PXT1: variants seen among roughly 807,000 people sequenced by gnomAD.
PXT1 encodes the protein peroxisomal testis enriched protein 1.
In PXT1, 11 loss-of-function variants were observed where a neutral mutation model predicts 11.0. The ratio of observed to expected loss-of-function variants is 1.00; its 90% confidence interval spans 0.63 to 1.66. The LOEUF (loss-of-function observed/expected upper bound fraction) is 1.66, where lower values mean the gene tolerates loss of function less well. Ranked by LOEUF, PXT1 falls within the 40% of genes most tolerant of loss-of-function variation. PXT1 has a pLI of 0.00. For synonymous variants in PXT1, 43 were observed against 51.4 expected (o/e 0.84, Z 0.70); for missense variants, 141 against 155.5 (o/e 0.91, Z 0.49).
intron 3 of PXT1, among the ~76,000 whole-genome samples, chr6:36,415,305 T>C (rs757909319): frequency 3.9e-5 from 6 of 152,010 alleles, no homozygotes; most frequent in Non-Finnish European, 7.4e-5. Flanking sequence ...TAGCCAGACA[T>C]GGTGGCGCGT....
intron 2 of PXT1, among the ~76,000 whole-genome samples, chr6:36,427,659 TG>T (rs1347907370): frequency 6.6e-6 from 1 of 152,094 alleles, no homozygotes; most frequent in Non-Finnish European, 1.5e-5. Flanking sequence ...CATTTCAACA[TG>T]TAATCAATAT....
chr6:36,435,990 G>C (rs1774756698), intron 2 of PXT1, among the ~76,000 whole-genome samples: 1 of 151,732 alleles, frequency 6.6e-6, no homozygotes, highest in Admixed American at 6.6e-5. Context: ...ATGAAAGCAG[G>C]GATCCTGGAA....
At chr6:36,403,069 G>A (rs148496707) in intron 3 of PXT1, among the ~76,000 whole-genome samples, 74 of 151,978 alleles carry the variant, frequency 4.9e-4, no homozygotes, top group East Asian at 4.3e-3. Flanking sequence ...CATGTTGGCC[G>A]GAGTGGTCTC....
At chr6:36,434,150 A>C (rs1774731653) in intron 2 of PXT1, among the ~76,000 whole-genome samples, 1 of 151,956 alleles carries the variant, frequency 6.6e-6, no homozygotes, top group Non-Finnish European at 1.5e-5. Flanking sequence ...TGGTTGACAG[A>C]GTAAGACCCT....
At chr6:36,396,800 C>T (rs928535473) in intron 4 of PXT1, among the ~76,000 whole-genome samples, 2 of 152,200 alleles carry the variant, frequency 1.3e-5, no homozygotes, top group Admixed American at 6.5e-5. Context: ...TGATCAGCTG[C>T]AGAGAGGAGC....
At chr6:36,396,150 T>C (rs925522116) in intron 4 of PXT1, among the ~76,000 whole-genome samples, 5 of 152,214 alleles carry the variant, frequency 3.3e-5, no homozygotes, top group African/African-American at 9.7e-5. Context: ...CGGAACAGAA[T>C]TGAGAGTACA....
intron 2 of PXT1, among the ~76,000 whole-genome samples, chr6:36,434,141 G>C (rs1774731541): frequency 6.6e-6 from 1 of 151,724 alleles, no homozygotes; most frequent in Admixed American, 6.6e-5. Context: ...ACTCCAGCCT[G>C]GTTGACAGAG....
intron 2 of PXT1, among the ~76,000 whole-genome samples, chr6:36,438,115 C>T (rs907155389): frequency 3.9e-5 from 6 of 152,026 alleles, no homozygotes; most frequent in Admixed American, 6.6e-5. Flanking sequence ...CCACCGAGCC[C>T]GGCCTATTAA....
rs751410377 is a variant in PXT1 at position 36,426,355 on chromosome 6, C to CTTTTTTT, written c.-9-271_-9-265dup. ...ATTAGTCTTTCTTCTCTCTCTCTCG[C>CTTTTTTT]TTTTTTTTTTTTTTTTTTTTTTTTT... On this transcript the variant is annotated intron_variant, in intron 2 of 4. Transcript: ENST00000454782. Among the ~76,000 whole-genome samples the CTTTTTTT allele has an allele frequency of 2.7e-4, 21 of 76,816 alleles. 3 individuals carry two copies. Among genetic ancestry groups the CTTTTTTT allele is most frequent in the Non-Finnish European group, 3.6e-4 (15 of 41,806 alleles). The allele number at this position is 76,816 out of a possible 152,430, so 50.4% of individuals were successfully genotyped here.
rs190531897 is a variant in PXT1, at chr6:36,404,819, G to T, written c.170-4235C>A. On this transcript the variant is annotated intron_variant, in intron 3 of 4. Transcript: ENST00000454782. Reference sequence around the variant, plus strand: ...TTAAAAATACAAAAATTAGCCGGGCGTGGTGGCATGCACTTGTAATCCCAG... The same window carrying T: ...TTAAAAATACAAAAATTAGCCGGGCTTGGTGGCATGCACTTGTAATCCCAG... Among the ~76,000 whole-genome samples the T allele has an allele frequency of 4.0e-4, 61 of 152,172 alleles. 1 individual carries two copies. Among genetic ancestry groups the T allele is most frequent in the Admixed American group, 3.7e-3 (56 of 15,282 alleles).
At chr6:36,401,404 T>G (rs1206259260) in intron 3 of PXT1, among the ~76,000 whole-genome samples, 1 of 152,086 alleles carries the variant, frequency 6.6e-6, no homozygotes, top group Non-Finnish European at 1.5e-5. Flanking sequence ...GAGGCCAAAC[T>G]GGGAGGATCA....
At chr6:36,415,706 G>C (rs1158996373) in intron 3 of PXT1, among the ~76,000 whole-genome samples, 3 of 152,154 alleles carry the variant, frequency 2.0e-5, no homozygotes, top group African/African-American at 4.8e-5. Context: ...GTTGAGTCTT[G>C]AGCAGGTTTG....
At position 36,440,014 on chromosome 6, in the gene PXT1, C is replaced by G. The variant is rs569677937; in HGVS notation, c.-129-1128G>C. ...TCAGGAGGCTGAGGTGGGAGGATCA[C>G]TTGAGCCCAGGAGGTTGAGGTTGCA... On this transcript the variant is annotated intron_variant, in intron 1 of 4. Coordinates refer to ENST00000454782, the MANE Select transcript of PXT1 (RefSeq NM_152990.4). Among the ~76,000 whole-genome samples the G allele has an allele frequency of 2.0e-5, 3 of 152,290 alleles. 1 individual carries two copies. The highest frequency in any genetic ancestry group is 7.2e-5 in the African/African-American group (3 of 41,566).
intron 3 of PXT1, among the ~76,000 whole-genome samples, chr6:36,413,203 G>A (rs976053606): frequency 6.6e-6 from 1 of 152,114 alleles, no homozygotes; most frequent in Admixed American, 6.5e-5. Context: ...CGGATCACGA[G>A]GTCAGGAGAT....
intron 2 of PXT1, among the ~76,000 whole-genome samples, chr6:36,433,108 G>A (rs1348227036): frequency 1.3e-5 from 2 of 151,950 alleles, no homozygotes; most frequent in Non-Finnish European, 2.9e-5. Context: ...GGATACTAGA[G>A]GAAAATCTGT....
chr6:36,433,684 G>C (rs941224733), intron 2 of PXT1, among the ~76,000 whole-genome samples: 1 of 151,914 alleles, frequency 6.6e-6, no homozygotes, highest in Admixed American at 6.6e-5. Flanking sequence ...AATTAGCCAG[G>C]CGTGGTGGCA....
chr6:36,418,916 G>T (rs1774488180), intron 3 of PXT1, among the ~76,000 whole-genome samples: 1 of 152,226 alleles, frequency 6.6e-6, no homozygotes, highest in South Asian at 2.1e-4. Context: ...GGGGGAGATA[G>T]TGTGGGGCAG....
In PXT1 at chr6:36,406,978, T is replaced by C. The variant is rs1774300689; in HGVS notation, c.170-6394A>G. Among the ~76,000 whole-genome samples, 4 of 152,288 alleles carry C rather than the reference T, an allele frequency of 2.6e-5. No individual in the cohort carries two copies. The South Asian group carries it at 8.3e-4, about 32-fold the overall frequency. ...CTTCCCTGCAGCTAAACAAATAATC[T>C]TAAATATCTATATCCATTATTTCCA... On this transcript the variant is annotated intron_variant, in intron 3 of 4. Coordinates refer to ENST00000454782, the MANE Select transcript of PXT1 (RefSeq NM_152990.4).
At chr6:36,425,467 T>C (rs1774588626) in intron 3 of PXT1, among the ~76,000 whole-genome samples, 1 of 152,116 alleles carries the variant, frequency 6.6e-6, no homozygotes, top group Non-Finnish European at 1.5e-5. Context: ...GAATAGATTT[T>C]CTTATAGTTC....
Sources: gnomAD v4.1 joint callset for allele counts (sites outside exome capture counted in the v4.1 genomes callset) on GRCh38, gnomAD v4.1.1 for gene constraint, MANE v1.5 for transcripts, NCBI Gene and HGNC (gene_info 2026-07-23, HGNC 2026-07-21) for gene names.